SLC39A6: variants seen among roughly 807,000 people sequenced by gnomAD.
SLC39A6 encodes solute carrier family 39 member 6.
A neutral mutation model predicts 63.5 loss-of-function variants in SLC39A6; 51 were observed. The ratio of observed to expected loss-of-function variants is 0.80; its 90% CI spans 0.64 to 1.01. The LOEUF is 1.01. Ranked by LOEUF, SLC39A6 falls within the 50% of genes least tolerant of loss-of-function variation. SLC39A6 has a pLI of 0.00. For synonymous variants in SLC39A6, 318 were observed against 324.7 expected (o/e 0.98, Z 0.22); for missense variants, 805 against 927.8 (o/e 0.87, Z 1.72).
intron 4 of SLC39A6, among the ~76,000 whole-genome samples, chr18:36,122,830 G>A (rs1210369733): frequency 6.6e-6 from 1 of 152,198 alleles, no homozygotes; most frequent in African/African-American, 2.4e-5. Flanking sequence ...TCTATCAGTA[G>A]GTATTCCCGA....
intron 8 of SLC39A6, among the ~76,000 whole-genome samples, chr18:36,111,472 G>A (rs1598704362): frequency 6.8e-6 from 1 of 146,412 alleles, no homozygotes; most frequent in Non-Finnish European, 1.5e-5. Context: ...TCAACTTGAT[G>A]TACAAACTTT....
Position 36,124,548 on chromosome 18 carries a change from G to A in SLC39A6, c.942C>T (p.Ile314=), listed in dbSNP as rs200351774. ...TTTGTAATGAATAGGTCTTTGGAGG[G>A]ATTTCAGCCTTCTTTTCACTTGTAT... ...LIHTSEKKAE[I]PPKTYSLQIA... is the part of the protein sequence containing the mutation. The change falls in exon 3 of 10, where the codon ATC becomes ATT. Residue 314 remains isoleucine (I), a synonymous_variant. Transcript: ENST00000269187. The A allele has an allele frequency of 1.7e-4, 265 of 1,568,800 alleles. 4 individuals carry two copies. In the African/African-American group the frequency reaches 3.3e-3, roughly 19 times the overall value.
rs1186811751 is a variant in SLC39A6, at chr18:36,116,752, C to A, written c.1387G>T (p.Asp463Tyr). The change falls in exon 6 of 10, where the codon GAT becomes TAT. Residue 463 changes from aspartate (D) to tyrosine (Y), a missense_variant. Coordinates refer to ENST00000269187, the MANE Select transcript of SLC39A6 (RefSeq NM_012319.4). ...GACAACTGCTTCTTAATCTCCACAT[C>A]ATCATCATTTTCAGGTTTCTTCTGA... ...KNQKKPENDD[D>Y]VEIKKQLSKY... 6.2e-7 allele frequency: 1 copy of A among 1,612,368 alleles called. No individual in the cohort carries two copies. Among genetic ancestry groups the A allele is most frequent in the African/African-American group, 1.3e-5 (1 of 74,900 alleles).
intron 5 of SLC39A6, among the ~76,000 whole-genome samples, chr18:36,119,946 GAAA>G (rs1238695629): frequency 2.6e-5 from 4 of 151,994 alleles, no homozygotes; most frequent in African/African-American, 4.8e-5. Flanking sequence ...GTAAAATTTG[GAAA>G]TGAAATTGAA....
chr18:36,126,339 TG>T lies in SLC39A6; in HGVS notation c.668del (p.Pro223HisfsTer10). 6.2e-7 allele frequency: 1 copy of T among 1,614,190 alleles called. No homozygotes were observed. Among genetic ancestry groups the T allele is most frequent in the Non-Finnish European group, 8.5e-7 (1 of 1,180,030 alleles). Reference protein sequence around the residue: ...LFPKDVSSSTPPSVTSKSRVS... With the variant: ...LFPKDVSSSTXPSVTSKSRVS... Reference sequence around the variant, plus strand: ...CCCGGCTCTTTGATGTGACACTGGGTGGAGTGGAGCTGCTTACATCTTTGGG... The same window carrying T: ...CCCGGCTCTTTGATGTGACACTGGGTGAGTGGAGCTGCTTACATCTTTGGG... On this transcript the variant is annotated frameshift_variant, in exon 2 of 10. Transcript: ENST00000269187. LOFTEE classifies it high-confidence loss of function.
intron 8 of SLC39A6, among the ~76,000 whole-genome samples, chr18:36,111,484 TTTTTTTTTC>T (rs895666136): frequency 5.0e-5 from 6 of 120,860 alleles, no homozygotes; most frequent in Non-Finnish European, 9.4e-5. Context: ...ACAAACTTTT[TTTTTTTTTC>T]TTTTTTTTGA....
chr18:36,126,822 GTAGAAAAGCTGTTGTAGATGA>G lies in SLC39A6; in HGVS notation c.165_185del (p.His56_Tyr62del). The G allele has an allele frequency of 1.2e-6, 2 of 1,614,148 alleles. No homozygotes were observed. The highest frequency in any genetic ancestry group is 1.7e-6 in the Non-Finnish European group (2 of 1,180,028). ...ACAAAGAATTATTTTCTCCATAGCG[GTAGAAAAGCTGTTGTAGATGA>G]TATTGCCGTGTGGAAATTGCCAAGT... On this transcript the variant is annotated inframe_deletion, in exon 2 of 10. Coordinates refer to ENST00000269187, the MANE Select transcript of SLC39A6 (RefSeq NM_012319.4).
rs2144503070 is a variant in SLC39A6, at chr18:36,116,910, C to A, written c.1360-131G>T. The A allele has an allele frequency of 6.4e-6, 4 of 622,606 alleles. No homozygotes were observed. In the East Asian group the frequency reaches 1.2e-4, roughly 18 times the overall value. 38.6% of individuals were successfully genotyped at this position (622,606 alleles called of 1,614,324 possible). On this transcript the variant is annotated intron_variant, in intron 5 of 9. Coordinates refer to ENST00000269187, the MANE Select transcript of SLC39A6 (RefSeq NM_012319.4). ...ATCTACTCTTAAGTATGTTCCCACA[C>A]TAGCAGCACACTATCTCCTGGGAAC...
In SLC39A6 at chr18:36,108,627, A is replaced by AT. The variant is rs1243917791; in HGVS notation, c.*965dup. On this transcript the variant is annotated 3_prime_UTR_variant, in exon 10 of 10. Coordinates refer to ENST00000269187, the MANE Select transcript of SLC39A6 (RefSeq NM_012319.4). The stretch of plus-strand genomic sequence containing the variant: ...GCTACAGTACCGTATATAAAAGACA[A>AT]TTGCTCACAATGATAGCACTGAAGC... 6.6e-6 allele frequency: 1 copy of AT among 152,234 alleles called. No individual in the cohort carries two copies. The highest frequency in any genetic ancestry group is 1.5e-5 in the Non-Finnish European group (1 of 68,038). The allele number at this position is 152,234 out of a possible 1,614,324, so 9.4% of individuals were successfully genotyped here. A position where few individuals can be genotyped will look rare whatever the true frequency, so the allele number is the denominator to read the frequency against.
At chr18:36,119,043 A>C (rs1381329640) in intron 5 of SLC39A6, among the ~76,000 whole-genome samples, 1 of 152,220 alleles carries the variant, frequency 6.6e-6, no homozygotes, top group African/African-American at 2.4e-5. Context: ...TAAGCAGCAG[A>C]AGGCCTATAA....
chr18:36,116,562 CA>C, intron 6 of SLC39A6, 111 bp downstream of exon 6: 2 of 712,444 alleles, frequency 2.8e-6, no homozygotes. Context: ...TGAGATACTG[CA>C]AAAACCAAAA....
chr18:36,122,251 T>C lies in SLC39A6; in HGVS notation c.1160A>G (p.His387Arg). 6.2e-7 allele frequency: 1 copy of C among 1,612,390 alleles called. No homozygotes were observed. Among genetic ancestry groups the C allele is most frequent in the South Asian group, 1.1e-5 (1 of 90,802 alleles). Residue 387 changes from histidine (H) to arginine (R), a missense_variant, in exon 5 of 10, where the codon CAT becomes CGT. Coordinates refer to ENST00000269187, the MANE Select transcript of SLC39A6 (RefSeq NM_012319.4). ...TGCTGGTTCTTCATGGCTATGACTA[T>C]GGTGGTGACTTGCATGAGACTGAAG... ...LLPHSHASHH[H>R]SHSHEEPAME...
intron 5 of SLC39A6, among the ~76,000 whole-genome samples, 187 bp from the exon 6 acceptor site, chr18:36,116,966 C>T (rs549700784): frequency 2.4e-4 from 36 of 152,314 alleles, no homozygotes; most frequent in Admixed American, 6.5e-4. Context: ...CGGCCAGGCG[C>T]GGCGGCTCAC....
chr18:36,126,693 G>A lies in SLC39A6; in HGVS notation c.315C>T (p.His105=). 1 of 1,613,556 alleles carries A rather than the reference G, an allele frequency of 6.2e-7. No individual in the cohort carries two copies. The change falls in exon 2 of 10, where the codon CAC becomes CAT. Residue 105 remains histidine (H), a synonymous_variant. Transcript: ENST00000269187. ...DHDHHSDHEH[H]SDHERHSDHE... Reference sequence around the variant, plus strand: ...GGTCTGAGTGACGCTCATGGTCTGAGTGATGCTCGTGGTCTGAGTGATGGT... The same window carrying A: ...GGTCTGAGTGACGCTCATGGTCTGAATGATGCTCGTGGTCTGAGTGATGGT...
chr18:36,128,864 G>A (rs2089482502), intron 1 of SLC39A6, among the ~76,000 whole-genome samples: 1 of 152,206 alleles, frequency 6.6e-6, no homozygotes, highest in South Asian at 2.1e-4. Context: ...AATATGGGAT[G>A]AAAAGTACGG....
intron 9 of SLC39A6, among the ~76,000 whole-genome samples, chr18:36,110,477 T>C (rs1417913679): frequency 6.6e-6 from 1 of 151,846 alleles, no homozygotes; most frequent in Admixed American, 6.6e-5. Flanking sequence ...TATTCTTATA[T>C]GCCACAAATT....
Position 36,126,932 on chromosome 18 carries a change from C to T in SLC39A6, c.76G>A (p.Ala26Thr), listed in dbSNP as rs1337656353. Residue 26 changes from alanine (A) to threonine (T), a missense_variant, in exon 2 of 10, where the codon GCA (alanine) becomes ACA (threonine). Physicochemically the swap from Ala to Thr is moderately conservative, Grantham distance 58. This residue lies in a region of SLC39A6 where 639 missense variants were observed against 644.0 expected (regional missense o/e 0.99). Coordinates refer to ENST00000269187, the MANE Select transcript of SLC39A6 (RefSeq NM_012319.4). ...TCAGTGGTCTGGGGGAAAGCAGCTG[C>T]TTTTAGTTCATGAAGGGGATTTGTG... ...SVTNPLHELK[A>T]AAFPQTTEKI... 3.7e-6 allele frequency: 6 copies of T among 1,613,956 alleles called. No homozygotes were observed. Among genetic ancestry groups the T allele is most frequent in the Non-Finnish European group, 5.1e-6 (6 of 1,180,024 alleles).
chr18:36,108,660 G>T lies in SLC39A6; in HGVS notation c.*933C>A, dbSNP rs2089278585. 6.6e-6 allele frequency: 1 copy of T among 152,188 alleles called. No individual in the cohort carries two copies. Among genetic ancestry groups the T allele is most frequent in the Non-Finnish European group, 1.5e-5 (1 of 68,040 alleles). The allele number at this position is 152,188 out of a possible 1,614,324, so 9.4% of individuals were successfully genotyped here. ...CAATGATAGCACTGAAGCACTGAGAGATATCAAAGTACTTTCTGAATCGAA... is the reference window on the plus strand; with the variant it reads ...CAATGATAGCACTGAAGCACTGAGATATATCAAAGTACTTTCTGAATCGAA... On this transcript the variant is annotated 3_prime_UTR_variant, in exon 10 of 10. Transcript: ENST00000269187.
rs2089443064 is a variant in SLC39A6 at position 36,126,768 on chromosome 18, T to C, written c.240A>G (p.Gln80=). The change falls in exon 2 of 10, where the codon CAA becomes CAG. Residue 80 remains glutamine, a synonymous_variant. Coordinates refer to ENST00000269187, the MANE Select transcript of SLC39A6 (RefSeq NM_012319.4). ...LSVEGFRKLL[Q]NIGIDKIKRI... is the part of the protein sequence containing the mutation. The stretch of plus-strand genomic sequence containing the variant: ...TTTTAATCTTATCTATGCCTATATT[T>C]TGAAGTAATTTTCTGAACCCTTCAA... The C allele has an allele frequency of 6.2e-7, 1 of 1,614,096 alleles. No individual in the cohort carries two copies.
Sources: gnomAD v4.1 joint callset for allele counts (sites outside exome capture counted in the v4.1 genomes callset) on GRCh38, gnomAD v4.1.1 for gene constraint, gnomAD v4.1.1 regional missense constraint, MANE v1.5 for transcripts, NCBI Gene and HGNC (gene_info 2026-07-23, HGNC 2026-07-21) for gene names.